SCN2A: variants seen among roughly 807,000 people sequenced by gnomAD.
SCN2A encodes the protein sodium voltage-gated channel alpha subunit 2.
SCN2A carries 20 observed loss-of-function variants against 188.7 expected under a neutral mutation model. That is an observed-to-expected ratio of 0.11 (90% confidence interval 0.07 to 0.15). The LOEUF is 0.15. SCN2A is among the 10% of genes least tolerant of loss of function. SCN2A has a pLI of 1.00. For synonymous variants in SCN2A, 804 were observed against 833.1 expected, an observed-to-expected ratio of 0.97 and a Z score of 0.60; for missense variants, 1,278 against 2,445.0, an observed-to-expected ratio of 0.52 and a Z score of 10.07.
Position 165,323,164 on chromosome 2 carries a change from G to T in SCN2A, c.1680G>T (p.Leu560=). The change falls in exon 12 of 27, where the codon CTG becomes CTT. Residue 560 remains leucine, a synonymous_variant. Coordinates refer to ENST00000375437, the MANE Select transcript of SCN2A (RefSeq NM_001040142.2). ...KRFSSPHQSL[L]SIRGSLFSPR... is the part of the protein sequence containing the mutation. ...TCTCTTGTTATTCATAGTCCTTACT[G>T]AGCATCCGTGGCTCCCTTTTCTCTC... The T allele has an allele frequency of 6.2e-7, 1 of 1,613,956 alleles. No individual in the cohort carries two copies. The highest frequency in any genetic ancestry group is 1.1e-5 in the South Asian group (1 of 91,024).
At chr2:165,322,153 A>G (rs1292005879) in intron 11 of SCN2A, among the ~76,000 whole-genome samples, 1 of 152,196 alleles carries the variant, frequency 6.6e-6, no homozygotes, top group Non-Finnish European at 1.5e-5. Flanking sequence ...TGCAGCTCCA[A>G]ACTTAAAGCC....
chr2:165,346,278 C>T (rs776178442), intron 16 of SCN2A, among the ~76,000 whole-genome samples: 1 of 152,146 alleles, frequency 6.6e-6, no homozygotes, highest in African/African-American at 2.4e-5. Flanking sequence ...TGGGGAAGTT[C>T]TCCTGGTTAT....
intron 1 of SCN2A, among the ~76,000 whole-genome samples, chr2:165,277,269 T>A (rs761277901): frequency 6.6e-6 from 1 of 152,172 alleles, no homozygotes; most frequent in Admixed American, 6.5e-5. Flanking sequence ...CATATTTTTA[T>A]GCAAATCTCA....
intron 1 of SCN2A, among the ~76,000 whole-genome samples, chr2:165,291,048 T>C (rs1310679582): frequency 1.4e-5 from 2 of 138,596 alleles, no homozygotes; most frequent in Non-Finnish European, 3.1e-5. Flanking sequence ...TTTTTTTTTT[T>C]TTTTTTTTTT....
chr2:165,280,396 A>G (rs1376587899), intron 1 of SCN2A, among the ~76,000 whole-genome samples: 4 of 152,206 alleles, frequency 2.6e-5, no homozygotes, highest in Non-Finnish European at 5.9e-5. Flanking sequence ...CACCCAAACT[A>G]GATCACCTTA....
At chr2:165,262,540 G>A (rs1694643286) in intron 1 of SCN2A, among the ~76,000 whole-genome samples, 1 of 152,012 alleles carries the variant, frequency 6.6e-6, no homozygotes, top group South Asian at 2.1e-4. Flanking sequence ...TGCTGAGAAA[G>A]CCATTATTTC....
chr2:165,367,020 A>G (rs1192403206), intron 18 of SCN2A, among the ~76,000 whole-genome samples, 197 bp from the exon 19 acceptor site: 1 of 152,194 alleles, frequency 6.6e-6, no homozygotes, highest in Non-Finnish European at 1.5e-5. Flanking sequence ...AAACATAAAA[A>G]TAAATATTTA....
chr2:165,385,841 T>G (rs1222027807), intron 25 of SCN2A, among the ~76,000 whole-genome samples: 1 of 152,122 alleles, frequency 6.6e-6, no homozygotes, highest in East Asian at 1.9e-4. Context: ...GGAGAAGTAT[T>G]TATTTATTAG....
At chr2:165,355,605 G>A (rs1037474539) in intron 17 of SCN2A, among the ~76,000 whole-genome samples, 2 of 152,068 alleles carry the variant, frequency 1.3e-5, no homozygotes, top group African/African-American at 4.8e-5. Context: ...ACTGTTTGGC[G>A]AGGAAGATAA....
At chr2:165,273,202 T>A (rs1258656645) in intron 1 of SCN2A, 5 of 152,136 alleles carry the variant, frequency 3.3e-5, no homozygotes, top group Non-Finnish European at 5.9e-5. Context: ...CTAGTGAAAA[T>A]AGTCTAGATA....
intron 17 of SCN2A, among the ~76,000 whole-genome samples, chr2:165,355,092 G>T (rs545598753): frequency 4.6e-5 from 7 of 152,058 alleles, no homozygotes; most frequent in African/African-American, 1.7e-4. Flanking sequence ...TAATTCTTAC[G>T]AAATACGTCA....
At chr2:165,255,197 C>T (rs17183016) in intron 1 of SCN2A, among the ~76,000 whole-genome samples, 17,709 of 151,578 alleles carry the variant, frequency 0.12, 1,404 homozygotes, top group Middle Eastern at 0.19. Context: ...TCTTGATTTT[C>T]CCATAGGGGT....
At chr2:165,245,168 G>A (rs142061744) in intron 1 of SCN2A, among the ~76,000 whole-genome samples, 1 of 152,174 alleles carries the variant, frequency 6.6e-6, no homozygotes, top group Non-Finnish European at 1.5e-5. Context: ...ATACAGTTTG[G>A]CTCTGTATCC....
chr2:165,320,161 T>A (rs916175448), intron 11 of SCN2A: 3 of 152,270 alleles, frequency 2.0e-5, no homozygotes, highest in African/African-American at 7.2e-5. Flanking sequence ...ACATGCCCCA[T>A]GCAAGTTCAA....
chr2:165,348,564 T>A (rs1435224799), intron 16 of SCN2A, among the ~76,000 whole-genome samples: 2 of 152,052 alleles, frequency 1.3e-5, no homozygotes, highest in Non-Finnish European at 2.9e-5. Context: ...ATAAACAGTG[T>A]ACAATCTAGA....
At chr2:165,383,389 T>G (rs1192438616) in intron 25 of SCN2A, among the ~76,000 whole-genome samples, 1 of 152,100 alleles carries the variant, frequency 6.6e-6, no homozygotes, top group Admixed American at 6.6e-5. Context: ...AAGGTCCTTA[T>G]GTAGGAGGGC....
Position 165,315,649 on chromosome 2 carries a change from A to G in SCN2A, c.1562A>G (p.Asp521Gly), listed in dbSNP as rs769876293. The change falls in exon 11 of 27, where the codon GAC becomes GGC. Residue 521 changes from aspartate to glycine, a missense_variant. Physicochemically the swap from Asp to Gly is moderately conservative, Grantham distance 94. Around this residue, in one of 17 missense-constraint regions of SCN2A, gnomAD observed 315 missense variants for 386.6 expected, o/e 0.81. Coordinates refer to ENST00000375437, the MANE Select transcript of SCN2A (RefSeq NM_001040142.2). ...CAGTCTGGAGAAGAAGAGAAAAATG[A>G]CAGAGTCCGAAAATCGGAATCTGAA... The part of the protein sequence containing the change: ...KEQSGEEEKN[D>G]RVRKSESEDS... 1.9e-6 allele frequency: 3 copies of G among 1,613,970 alleles called. No homozygotes were observed. The highest frequency in any genetic ancestry group is 2.7e-5 in the African/African-American group (2 of 74,924).
chr2:165,323,047 T>C (rs1698154754), intron 11 of SCN2A, 109 bp from the exon 12 acceptor site: 4 of 1,063,382 alleles, frequency 3.8e-6, no homozygotes, highest in Non-Finnish European at 5.5e-6. Context: ...CAATGACTTA[T>C]CCTTGAGTAA....
At chr2:165,387,364 C>T (rs2105399348) in intron 26 of SCN2A, among the ~76,000 whole-genome samples, 1 of 152,232 alleles carries the variant, frequency 6.6e-6, no homozygotes, top group Non-Finnish European at 1.5e-5. Context: ...AACAATCAAT[C>T]CACACACATA....
Sources: gnomAD v4.1 joint callset for allele counts (sites outside exome capture counted in the v4.1 genomes callset) on GRCh38, gnomAD v4.1.1 for gene constraint, gnomAD v4.1.1 regional missense constraint, MANE v1.5 for transcripts, NCBI Gene and HGNC (gene_info 2026-07-23, HGNC 2026-07-21) for gene names.